The following NCAM2 variants were observed in gnomAD, a reference collection of about 807,000 sequenced individuals.
NCAM2 encodes neural cell adhesion molecule 2.
In NCAM2, 30 loss-of-function variants were observed where a neutral mutation model predicts 98.1. The ratio of observed to expected loss-of-function variants is 0.31; its 90% CI spans 0.23 to 0.41. The LOEUF is 0.41. NCAM2 is among the 10% of genes least tolerant of loss of function. The probability of loss-of-function intolerance (pLI) is 1.00; values close to 1 mark genes in which losing one functional copy is unlikely to be tolerated. For missense variants in NCAM2, 867 were observed against 1,005.8 expected (o/e 0.86, Z 1.87); for synonymous variants, 368 against 342.4 (o/e 1.07, Z -0.83).
chr21:21,284,529 C>A, intron 3 of NCAM2, 129 bp downstream of exon 3: 1 of 712,438 alleles, frequency 1.4e-6, no homozygotes, highest in Non-Finnish European at 2.3e-6. Context: ...TTTATTTATG[C>A]TTTACCAGAG....
At chr21:21,024,068 C>G (rs2064491795) in intron 1 of NCAM2, among the ~76,000 whole-genome samples, 1 of 152,154 alleles carries the variant, frequency 6.6e-6, no homozygotes. Context: ...TAATAATACA[C>G]TTGTTCCCAA....
Position 21,538,906 on chromosome 21 carries a change from TTA to T in NCAM2, c.*954_*955del, listed in dbSNP as rs984321723. 2.0e-5 allele frequency: 3 copies of T among 152,120 alleles called. No homozygotes were observed. The highest frequency in any genetic ancestry group is 4.4e-5 in the Non-Finnish European group (3 of 67,988). The allele number at this position is 152,120 out of a possible 1,614,324, so 9.4% of individuals were successfully genotyped here. A position where few individuals can be genotyped will look rare whatever the true frequency, so the allele number is the denominator to read the frequency against. ...TCAGATATATTTTTAGCCCATGGTT[TTA>T]TATAATCTTTAAGAACTAATTTTAC... On this transcript the variant is annotated 3_prime_UTR_variant, in exon 18 of 18. Coordinates refer to ENST00000400546, the MANE Select transcript of NCAM2 (RefSeq NM_004540.5).
chr21:21,167,571 G>A (rs1478922516), intron 1 of NCAM2, among the ~76,000 whole-genome samples: 5 of 152,038 alleles, frequency 3.3e-5, no homozygotes, highest in South Asian at 2.1e-4. Context: ...GACAAACTTC[G>A]TTCCATTCAG....
chr21:21,178,599 G>C (rs1289677112), intron 1 of NCAM2, among the ~76,000 whole-genome samples: 3 of 151,934 alleles, frequency 2.0e-5, no homozygotes, highest in Non-Finnish European at 4.4e-5. Flanking sequence ...GGAAAGAGAT[G>C]AATTAGACAT....
chr21:21,311,767 C>G (rs529527064), intron 5 of NCAM2, among the ~76,000 whole-genome samples: 1 of 132,592 alleles, frequency 7.5e-6, no homozygotes, highest in Non-Finnish European at 1.6e-5. Flanking sequence ...AGTTTTGGAG[C>G]TGTTGTACAT....
At chr21:21,349,829 A>T (rs948604826) in intron 8 of NCAM2, among the ~76,000 whole-genome samples, 1 of 152,214 alleles carries the variant, frequency 6.6e-6, no homozygotes, top group African/African-American at 2.4e-5. Context: ...TAGAAAGATA[A>T]ACATCACATG....
chr21:21,479,608 A>AATTT (rs1491473437), intron 15 of NCAM2, among the ~76,000 whole-genome samples: 1 of 127,998 alleles, frequency 7.8e-6, no homozygotes, highest in African/African-American at 2.8e-5. Flanking sequence ...AAAAAAAAAA[A>AATTT]TTGTTGATGA....
chr21:21,030,655 A>G (rs2064661562), intron 1 of NCAM2, among the ~76,000 whole-genome samples: 1 of 152,194 alleles, frequency 6.6e-6, no homozygotes, highest in African/African-American at 2.4e-5. Context: ...TATCACGATT[A>G]TTATACTGAC....
chr21:21,364,627 T>C (rs1318835360), intron 8 of NCAM2, among the ~76,000 whole-genome samples: 1 of 151,988 alleles, frequency 6.6e-6, no homozygotes, highest in East Asian at 1.9e-4. Flanking sequence ...TATACATGTA[T>C]ATGTATACGT....
chr21:21,442,481 G>C (rs115541488), intron 12 of NCAM2, among the ~76,000 whole-genome samples: 2,613 of 152,246 alleles, frequency 0.017, 78 homozygotes, highest in African/African-American at 0.06. Flanking sequence ...ATCTTGTTTG[G>C]TGAGTGGAAA....
intron 1 of NCAM2, among the ~76,000 whole-genome samples, chr21:21,157,813 T>C (rs2067661123): frequency 6.6e-6 from 1 of 152,120 alleles, no homozygotes. Flanking sequence ...TTTAAAAAGT[T>C]TTGTTGTTGT....
At chr21:21,393,282 C>T (rs1005206028) in intron 9 of NCAM2, among the ~76,000 whole-genome samples, 13 of 151,942 alleles carry the variant, frequency 8.6e-5, no homozygotes, top group Non-Finnish European at 1.6e-4. Flanking sequence ...TTCTGAGTTC[C>T]CAATTCTGCT....
At chr21:21,375,401 A>C (rs899790618) in intron 9 of NCAM2, among the ~76,000 whole-genome samples, 1 of 151,758 alleles carries the variant, frequency 6.6e-6, no homozygotes, top group Non-Finnish European at 1.5e-5. Context: ...ATTCTGACAC[A>C]AATTACTGAC....
intron 1 of NCAM2, among the ~76,000 whole-genome samples, chr21:21,105,543 A>C (rs2066326846): frequency 6.6e-6 from 1 of 152,124 alleles, no homozygotes; most frequent in African/African-American, 2.4e-5. Context: ...CAACAAGAAA[A>C]ATACAAGGCA....
At chr21:21,527,559 C>A (rs1989395649) in intron 16 of NCAM2, among the ~76,000 whole-genome samples, 1 of 151,950 alleles carries the variant, frequency 6.6e-6, no homozygotes, top group South Asian at 2.1e-4. Context: ...TTAATACATA[C>A]CTAATTAAAG....
intron 1 of NCAM2, among the ~76,000 whole-genome samples, chr21:20,999,654 A>G (rs894350659): frequency 6.6e-6 from 1 of 152,234 alleles, no homozygotes; most frequent in Non-Finnish European, 1.5e-5. Context: ...GTGTAGTGTG[A>G]AATTGGTTTT....
At chr21:21,310,635 A>G (rs1366382997) in intron 5 of NCAM2, among the ~76,000 whole-genome samples, 6 of 152,136 alleles carry the variant, frequency 3.9e-5, no homozygotes, top group Admixed American at 6.6e-5. Flanking sequence ...CACAATGACA[A>G]TTTTTTAACT....
chr21:21,126,713 A>G (rs940155843), intron 1 of NCAM2, among the ~76,000 whole-genome samples: 2 of 152,056 alleles, frequency 1.3e-5, no homozygotes, highest in African/African-American at 4.8e-5. Flanking sequence ...TGTGAAAAGT[A>G]ATGACCTCAA....
intron 9 of NCAM2, among the ~76,000 whole-genome samples, chr21:21,398,991 A>G (rs181187256): frequency 6.6e-6 from 1 of 152,174 alleles, no homozygotes; most frequent in African/African-American, 2.4e-5. Flanking sequence ...AAGTCAGTAC[A>G]AATTTCAGCC....
Sources: allele counts gnomAD v4.1 joint callset (sites outside exome capture counted in the v4.1 genomes callset), GRCh38; gene constraint gnomAD v4.1.1; transcripts MANE v1.5; gene names NCBI Gene and HGNC (gene_info 2026-07-23, HGNC 2026-07-21).